Variants in ANO6 observed in about 807,000 individuals in gnomAD.
The protein encoded by ANO6 is anoctamin-6.
In ANO6, 106 loss-of-function variants were observed where a neutral mutation model predicts 117.5. The ratio of observed to expected loss-of-function variants is 0.90; its 90% CI spans 0.77 to 1.06. ANO6 has a LOEUF of 1.06. Ranked by LOEUF, ANO6 falls within the 50% of genes least tolerant of loss-of-function variation. ANO6 has a pLI of 0.00. For synonymous variants in ANO6, 367 were observed against 385.1 expected, an observed-to-expected ratio of 0.95 and a Z score of 0.55; for missense variants, 955 against 1,121.1, an observed-to-expected ratio of 0.85 and a Z score of 2.12.
chr12:45,354,478 G>A (rs1210147934), intron 7 of ANO6, among the ~76,000 whole-genome samples: 1 of 152,036 alleles, frequency 6.6e-6, no homozygotes, highest in Non-Finnish European at 1.5e-5. Flanking sequence ...AACAGGAAAT[G>A]CAGGAAATGC....
intron 1 of ANO6, among the ~76,000 whole-genome samples, chr12:45,242,270 G>A (rs901256506): frequency 1.3e-5 from 2 of 152,206 alleles, no homozygotes; most frequent in Admixed American, 1.3e-4. Flanking sequence ...ACCTACTCAA[G>A]CCTCAGCAAT....
intron 2 of ANO6, among the ~76,000 whole-genome samples, chr12:45,328,546 A>C (rs1378021936): frequency 6.6e-6 from 1 of 152,134 alleles, no homozygotes; most frequent in Non-Finnish European, 1.5e-5. Flanking sequence ...AACAGTTAGG[A>C]AAAACACTTA....
At chr12:45,434,034 A>G (rs2137750497), downstream of ANO6, among the ~76,000 whole-genome samples, 1 of 152,282 alleles carries the variant, frequency 6.6e-6, no homozygotes, top group South Asian at 2.1e-4. Flanking sequence ...ATCCTTTACA[A>G]TGCTGGAATG....
At chr12:45,398,463 C>A (rs1289204051) in intron 12 of ANO6, among the ~76,000 whole-genome samples, 1 of 152,172 alleles carries the variant, frequency 6.6e-6, no homozygotes, top group African/African-American at 2.4e-5. Flanking sequence ...GGCAGCTTAG[C>A]AATTGTGTTT....
At chr12:45,359,126 T>C (rs536964181) in intron 8 of ANO6, among the ~76,000 whole-genome samples, 65 of 152,352 alleles carry the variant, frequency 4.3e-4, no homozygotes, top group Admixed American at 9.8e-4. Flanking sequence ...AGAGACATTA[T>C]TTATATACCA....
At chr12:45,381,760 A>G (rs1250590665) in intron 10 of ANO6, among the ~76,000 whole-genome samples, 2 of 152,172 alleles carry the variant, frequency 1.3e-5, no homozygotes, top group Non-Finnish European at 2.9e-5. Context: ...AATTTCGTAA[A>G]CAGAAGCATT....
exon 20 of ANO6, chr12:45,440,229 C>G (rs1161401030): frequency 2.1e-5 from 5 of 238,264 alleles, no homozygotes; most frequent in Non-Finnish European, 4.0e-5. Context: ...TTAATTGAGC[C>G]TAATTTCTTT....
At chr12:45,374,894 G>A (rs1371777082) in intron 9 of ANO6, among the ~76,000 whole-genome samples, 2 of 152,064 alleles carry the variant, frequency 1.3e-5, no homozygotes, top group African/African-American at 4.8e-5. Context: ...TATTCAATTA[G>A]GAAAAGAGGA....
chr12:45,248,428 CTTTT>C (rs35185612), intron 1 of ANO6, among the ~76,000 whole-genome samples: 3 of 120,868 alleles, frequency 2.5e-5, no homozygotes, highest in Non-Finnish European at 3.4e-5. Flanking sequence ...AAAAAGTAGA[CTTTT>C]TTTTTTTTTT....
exon 20 of ANO6, chr12:45,440,190 T>G: frequency 3.1e-6 from 1 of 321,818 alleles, no homozygotes; most frequent in African/African-American, 2.1e-5. Flanking sequence ...TGAAATGCCT[T>G]CATGCCATTT....
At chr12:45,318,798 A>C (rs562312997) in intron 2 of ANO6, among the ~76,000 whole-genome samples, 2 of 151,950 alleles carry the variant, frequency 1.3e-5, no homozygotes, top group Admixed American at 6.6e-5. Flanking sequence ...CTTTTATTTC[A>C]TTGAGCAGTG....
chr12:45,379,344 C>T (rs1005778429), intron 10 of ANO6, among the ~76,000 whole-genome samples: 1 of 152,194 alleles, frequency 6.6e-6, no homozygotes, highest in Non-Finnish European at 1.5e-5. Flanking sequence ...TGTTGCCGCT[C>T]CACAGATAAA....
intron 2 of ANO6, 142 bp from the exon 3 acceptor site, chr12:45,331,153 G>T: frequency 1.5e-6 from 1 of 684,028 alleles, no homozygotes; most frequent in South Asian, 2.0e-5. Context: ...AGTCATAGTG[G>T]CCATGACTGT....
chr12:45,294,125 G>A (rs1283595848), intron 1 of ANO6, among the ~76,000 whole-genome samples: 1 of 151,992 alleles, frequency 6.6e-6, no homozygotes, highest in Non-Finnish European at 1.5e-5. Context: ...AAAATAAGAA[G>A]GATATAATTT....
intron 1 of ANO6, among the ~76,000 whole-genome samples, chr12:45,299,005 A>G (rs978908252): frequency 6.6e-6 from 1 of 152,034 alleles, no homozygotes; most frequent in East Asian, 1.9e-4. Flanking sequence ...CAAAAACCCC[A>G]CAGTATTATG....
intron 9 of ANO6, among the ~76,000 whole-genome samples, chr12:45,368,340 G>A (rs140825469): frequency 0.01 from 1,545 of 152,184 alleles, 22 homozygotes; most frequent in African/African-American, 0.034. Context: ...TCAATTAAGT[G>A]GAAACCTGAA....
At chr12:45,242,205 T>C (rs10880762) in intron 1 of ANO6, among the ~76,000 whole-genome samples, 27,147 of 152,234 alleles carry the variant, frequency 0.18, 3,893 homozygotes, top group African/African-American at 0.38. Context: ...GTAGGCTTTG[T>C]TGTGCTGTGC....
At chr12:45,275,858 G>T (rs1938538462) in intron 1 of ANO6, among the ~76,000 whole-genome samples, 1 of 152,118 alleles carries the variant, frequency 6.6e-6, no homozygotes, top group Non-Finnish European at 1.5e-5. Flanking sequence ...TATGGTTTAA[G>T]CCATACCTCT....
At chr12:45,440,000 A>G in exon 20 of ANO6, 1 of 1,420,224 alleles carries the variant, frequency 7.0e-7, no homozygotes, top group Non-Finnish European at 9.2e-7. Flanking sequence ...GCATTGTTTC[A>G]TGTGCTCAAG....
Sources: allele counts gnomAD v4.1 joint callset (sites outside exome capture counted in the v4.1 genomes callset), GRCh38; gene constraint gnomAD v4.1.1; transcripts MANE v1.5; gene names NCBI Gene and HGNC (gene_info 2026-07-23, HGNC 2026-07-21).